The following HSD17B3 variants were observed in gnomAD, a reference collection of about 807,000 sequenced individuals.
HSD17B3 encodes the protein hydroxysteroid 17-beta dehydrogenase 3.
HSD17B3 carries 29 observed loss-of-function variants against 41.1 expected under a neutral mutation model. The observed-to-expected ratio is 0.71, with a 90% CI of 0.53 to 0.96. HSD17B3 has a LOEUF of 0.96. Ranked by LOEUF, HSD17B3 falls within the 40% of genes least tolerant of loss-of-function variation. The pLI is 0.00. For synonymous variants in HSD17B3, 126 were observed against 145.6 expected (o/e 0.87, Z 0.97); for missense variants, 323 against 374.6 (o/e 0.86, Z 1.14).
intron 2 of HSD17B3, among the ~76,000 whole-genome samples, chr9:96,262,813 T>G (rs578036092): frequency 2.6e-5 from 4 of 152,336 alleles, no homozygotes; most frequent in African/African-American, 9.6e-5. Context: ...TGTTTTGATT[T>G]TCCCAGTATA....
chr9:96,246,316 G>A (rs532984501), intron 7 of HSD17B3: 29 of 599,546 alleles, frequency 4.8e-5, no homozygotes, highest in Admixed American at 8.5e-5. Context: ...TGAAACTGCC[G>A]TTCTCTTCCT....
intron 10 of HSD17B3, among the ~76,000 whole-genome samples, chr9:96,239,083 G>A (rs2130701379): frequency 6.6e-6 from 1 of 152,292 alleles, no homozygotes; most frequent in South Asian, 2.1e-4. Context: ...AGTAGCTGGG[G>A]AGACCTTATC....
chr9:96,296,682 T>A (rs1183545619), intron 2 of HSD17B3, among the ~76,000 whole-genome samples: 1 of 152,146 alleles, frequency 6.6e-6, no homozygotes, highest in Non-Finnish European at 1.5e-5. Flanking sequence ...AAATTAAAAT[T>A]TTTACCAAGA....
chr9:96,251,690 A>G (rs1825419789), intron 4 of HSD17B3, among the ~76,000 whole-genome samples: 1 of 152,242 alleles, frequency 6.6e-6, no homozygotes, highest in Non-Finnish European at 1.5e-5. Flanking sequence ...AATGCAGTGT[A>G]GTCATTAAAA....
Position 96,244,348 on chromosome 9 carries a change from G to A in HSD17B3, c.653C>T (p.Ala218Val), listed in dbSNP as rs1587716252. 6.2e-7 allele frequency: 1 copy of A among 1,614,060 alleles called. No individual in the cohort carries two copies. The highest frequency in any genetic ancestry group is 8.5e-7 in the Non-Finnish European group (1 of 1,180,034). The change falls in exon 9 of 11, where the codon GCA becomes GTA. Residue 218 changes from alanine (A) to valine (V), a missense_variant. Physicochemically the swap from Ala to Val is moderately conservative, Grantham distance 64. Transcript: ENST00000375263. ...CCTCACCTGGATGATGACTTCTTTT[G>A]CTTTATATTCCTCTTGCAGGGCCTT... The part of the protein sequence containing the change: ...FSKALQEEYK[A>V]KEVIIQVLTP...
chr9:96,262,055 C>T (rs1241368767), intron 2 of HSD17B3, among the ~76,000 whole-genome samples: 2 of 152,008 alleles, frequency 1.3e-5, no homozygotes, highest in Middle Eastern at 3.4e-3. Context: ...ACAGGAGTGG[C>T]GGCAGAGAAA....
rs150943176 is a variant in HSD17B3 at position 96,294,153 on chromosome 9, G to A, written c.201+4263C>T. Among the ~76,000 whole-genome samples the A allele has an allele frequency of 3.7e-3, 567 of 152,068 alleles. 8 individuals carry two copies. Among genetic ancestry groups the A allele is most frequent in the African/African-American group, 0.013 (532 of 41,470 alleles). ...AAAGAGGCTGGGCACAATGGCTCAC[G>A]CCCATAATCGCAGCACTTTGGGAGG... On this transcript the variant is annotated intron_variant, in intron 2 of 10. Transcript: ENST00000375263.
chr9:96,289,058 G>T (rs778924609), intron 2 of HSD17B3, among the ~76,000 whole-genome samples: 3 of 151,680 alleles, frequency 2.0e-5, no homozygotes, highest in Non-Finnish European at 1.5e-5. Flanking sequence ...GCAATGAGCC[G>T]TGATCCCACC....
intron 2 of HSD17B3, among the ~76,000 whole-genome samples, chr9:96,285,341 A>G (rs1393051430): frequency 6.6e-6 from 1 of 152,132 alleles, no homozygotes; most frequent in African/African-American, 2.4e-5. Context: ...GCTGTTTTTA[A>G]GTTTGTTTCT....
intron 2 of HSD17B3, among the ~76,000 whole-genome samples, chr9:96,268,144 C>T (rs1032832768): frequency 5.1e-4 from 78 of 152,228 alleles, no homozygotes; most frequent in African/African-American, 1.8e-3. Flanking sequence ...AGGCTGGTCT[C>T]GAACTCCTGG....
chr9:96,242,744 G>A (rs895521597), intron 9 of HSD17B3, among the ~76,000 whole-genome samples: 7 of 152,130 alleles, frequency 4.6e-5, no homozygotes, highest in Non-Finnish European at 8.8e-5. Flanking sequence ...CTGCTCCATA[G>A]TACCCACTAC....
In HSD17B3 at chr9:96,245,373, G is replaced by A. The variant is rs773720185; in HGVS notation, c.578C>T (p.Pro193Leu). ...ISSGIALFPW[P>L]LYSMYSASKA... is the part of the protein sequence containing the mutation. ...GGAAGCTGAGTACATGGAGTAGAGA[G>A]GCCAAGGAAACAGGGCTATCCCAGA... Residue 193 changes from proline to leucine, a missense_variant, in exon 8 of 11, where the codon CCT becomes CTT. Physicochemically the swap from Pro to Leu is moderately conservative, Grantham distance 98. Coordinates refer to ENST00000375263, the MANE Select transcript of HSD17B3 (RefSeq NM_000197.2). The A allele has an allele frequency of 1.2e-6, 2 of 1,613,964 alleles. No individual in the cohort carries two copies. Among genetic ancestry groups the A allele is most frequent in the Non-Finnish European group, 1.7e-6 (2 of 1,179,850 alleles).
intron 10 of HSD17B3, among the ~76,000 whole-genome samples, chr9:96,236,294 A>G (rs1175233997): frequency 1.3e-5 from 2 of 151,518 alleles, no homozygotes; most frequent in African/African-American, 4.8e-5. Context: ...AGGCAGGTGG[A>G]TCACTTGAGG....
intron 2 of HSD17B3, among the ~76,000 whole-genome samples, chr9:96,272,431 A>C (rs1171566055): frequency 2.1e-4 from 17 of 79,342 alleles, no homozygotes; most frequent in South Asian, 4.0e-4. Context: ...ATATATATAT[A>C]TATATATATA....
intron 2 of HSD17B3, among the ~76,000 whole-genome samples, chr9:96,262,114 A>G (rs890874767): frequency 1.3e-4 from 20 of 152,132 alleles, no homozygotes; most frequent in African/African-American, 4.6e-4. Context: ...ATGGTCATGA[A>G]CAACGCCCAG....
intron 9 of HSD17B3, among the ~76,000 whole-genome samples, chr9:96,243,051 ATG>A (rs1445434902): frequency 6.6e-6 from 1 of 152,202 alleles, no homozygotes. Flanking sequence ...TTCCTCTGGC[ATG>A]TCGGCTGCTC....
chr9:96,239,908 T>G (rs1836366531), intron 10 of HSD17B3: 1 of 152,236 alleles, frequency 6.6e-6, no homozygotes, highest in Non-Finnish European at 1.5e-5. Flanking sequence ...TGTGGCATGC[T>G]GGAGCTGGCT....
intron 3 of HSD17B3, 117 bp from the exon 4 acceptor site, chr9:96,253,027 G>T: frequency 1.3e-6 from 1 of 752,114 alleles, no homozygotes; most frequent in Non-Finnish European, 2.4e-6. Context: ...ACAGCCCATT[G>T]CCCCAAATAA....
intron 2 of HSD17B3, among the ~76,000 whole-genome samples, chr9:96,261,264 T>C (rs1825846883): frequency 6.6e-6 from 1 of 151,760 alleles, no homozygotes; most frequent in Admixed American, 6.6e-5. Context: ...TTCATGATGT[T>C]GGCTCACTGC....
Sources: gnomAD v4.1 joint callset for allele counts (sites outside exome capture counted in the v4.1 genomes callset) on GRCh38, gnomAD v4.1.1 for gene constraint, MANE v1.5 for transcripts, NCBI Gene and HGNC (gene_info 2026-07-23, HGNC 2026-07-21) for gene names.